Variants in SLC24A2 observed in about 807,000 individuals in gnomAD.
SLC24A2 encodes solute carrier family 24 member 2, also known as sodium/potassium/calcium exchanger 2.
A neutral mutation model predicts 62.0 loss-of-function variants in SLC24A2; 36 were observed. That is an observed-to-expected ratio of 0.58 (90% CI 0.44 to 0.77). The LOEUF (loss-of-function observed/expected upper bound fraction) is 0.77. Ranked by LOEUF, SLC24A2 falls within the 30% of genes least tolerant of loss-of-function variation. The pLI is 0.00. For synonymous variants in SLC24A2, 358 were observed against 294.0 expected (o/e 1.22, Z -2.23); for missense variants, 846 against 817.9 (o/e 1.03, Z -0.42).
At chr9:19,891,583 A>C in the SLC24A2 span, among the ~76,000 whole-genome samples, 1 of 152,080 alleles carries the variant, frequency 6.6e-6, no homozygotes, top group Non-Finnish European at 1.5e-5. Flanking sequence ...TGCTCTTTTA[A>C]ATTACCAGCT....
chr9:19,526,515 A>C (rs1447787719), intron 9 of SLC24A2, among the ~76,000 whole-genome samples: 2 of 152,158 alleles, frequency 1.3e-5, no homozygotes, highest in African/African-American at 4.8e-5. Context: ...AACACTTGTT[A>C]GGTTCTGTCT....
chr9:19,831,027 G>GAAGGA, the SLC24A2 span, among the ~76,000 whole-genome samples: 4 of 152,166 alleles, frequency 2.6e-5, no homozygotes, highest in Non-Finnish European at 4.4e-5. Context: ...TCACTTGGTG[G>GAAGGA]AAGGAAAGGA....
the SLC24A2 span, among the ~76,000 whole-genome samples, chr9:20,253,040 G>C: frequency 6.6e-6 from 1 of 152,180 alleles, no homozygotes; most frequent in Admixed American, 6.5e-5. Context: ...TGGCCTGTTA[G>C]AAACAAGGCA....
At chr9:20,300,985 T>A in the SLC24A2 span, among the ~76,000 whole-genome samples, 3 of 152,066 alleles carry the variant, frequency 2.0e-5, no homozygotes, top group African/African-American at 7.2e-5. Context: ...TGTCAATCCA[T>A]CCATTGAGTA....
At chr9:20,095,589 A>G in the SLC24A2 span, among the ~76,000 whole-genome samples, 1 of 152,262 alleles carries the variant, frequency 6.6e-6, no homozygotes, top group African/African-American at 2.4e-5. Flanking sequence ...TCAAAGTGAA[A>G]CATTGGCTCT....
the SLC24A2 span, among the ~76,000 whole-genome samples, chr9:20,305,806 T>C: frequency 5.3e-5 from 8 of 152,268 alleles, no homozygotes; most frequent in South Asian, 1.0e-3. Flanking sequence ...CAAAGTACCA[T>C]AGACTGGGCA....
At chr9:20,199,281 A>C in the SLC24A2 span, among the ~76,000 whole-genome samples, 10 of 152,246 alleles carry the variant, frequency 6.6e-5, no homozygotes, top group Admixed American at 5.9e-4. Flanking sequence ...CTAGGAACCA[A>C]TAAAAAGAAC....
intron 8 of SLC24A2, among the ~76,000 whole-genome samples, chr9:19,548,579 G>A (rs888570190): frequency 2.0e-5 from 3 of 152,232 alleles, no homozygotes; most frequent in Admixed American, 6.5e-5. Flanking sequence ...GCCAATCTGA[G>A]TTGAAAGATC....
At chr9:20,276,786 T>C in the SLC24A2 span, among the ~76,000 whole-genome samples, 4 of 152,328 alleles carry the variant, frequency 2.6e-5, no homozygotes, top group East Asian at 5.8e-4. Flanking sequence ...GACTTCTGTA[T>C]ACCTGTGGGC....
At chr9:20,281,271 CTT>C in the SLC24A2 span, among the ~76,000 whole-genome samples, 1 of 152,142 alleles carries the variant, frequency 6.6e-6, no homozygotes, top group South Asian at 2.1e-4. Context: ...CAACAGCACT[CTT>C]TATCTTATTT....
the SLC24A2 span, among the ~76,000 whole-genome samples, chr9:19,875,202 C>A: frequency 6.6e-6 from 1 of 152,140 alleles, no homozygotes; most frequent in African/African-American, 2.4e-5. Context: ...TCTCAAAGAA[C>A]TGAAATTTCC....
At chr9:19,546,331 G>C (rs1834566408) in intron 8 of SLC24A2, among the ~76,000 whole-genome samples, 1 of 152,188 alleles carries the variant, frequency 6.6e-6, no homozygotes, top group African/African-American at 2.4e-5. Flanking sequence ...GGGAGATGGG[G>C]GTTTTATCTA....
chr9:20,002,076 A>G, the SLC24A2 span, among the ~76,000 whole-genome samples: 1 of 152,178 alleles, frequency 6.6e-6, no homozygotes, highest in African/African-American at 2.4e-5. Flanking sequence ...GCTTTAGTGG[A>G]ACATACTTAG....
chr9:20,019,300 A>T, the SLC24A2 span, among the ~76,000 whole-genome samples: 1 of 148,276 alleles, frequency 6.7e-6, no homozygotes, highest in East Asian at 1.9e-4. Flanking sequence ...AGAAAGAAAG[A>T]AAGAAAGAAA....
At chr9:20,224,206 T>C in the SLC24A2 span, among the ~76,000 whole-genome samples, 3 of 151,774 alleles carry the variant, frequency 2.0e-5, no homozygotes, top group Non-Finnish European at 2.9e-5. Flanking sequence ...CAGAGATGAA[T>C]AAAGCTCTAA....
the SLC24A2 span, among the ~76,000 whole-genome samples, chr9:19,854,189 CTT>C: frequency 7.2e-5 from 11 of 152,054 alleles, no homozygotes; most frequent in African/African-American, 1.9e-4. Context: ...ATTCTTCTCT[CTT>C]TTCTTCTTTA....
chr9:19,668,765 C>T (rs1819329245), intron 2 of SLC24A2, among the ~76,000 whole-genome samples: 1 of 152,228 alleles, frequency 6.6e-6, no homozygotes, highest in African/African-American at 2.4e-5. Flanking sequence ...TCATGGCCTC[C>T]ACCATATTCT....
rs1836035847 is a variant in SLC24A2 at position 19,577,011 on chromosome 9, C to T, written c.1141G>A (p.Glu381Lys). 6.2e-7 allele frequency: 1 copy of T among 1,613,938 alleles called. No homozygotes were observed. The highest frequency in any genetic ancestry group is 1.3e-5 in the African/African-American group (1 of 74,940). The change falls in exon 6 of 11, where the codon GAA (glutamate) becomes AAA (lysine). Residue 381 changes from glutamate to lysine, a missense_variant. By Grantham distance (56) the Glu-to-Lys change is moderately conservative. Transcript: ENST00000341998. ...ATCTTGTGGAGAATTGAAGCCTTTTCTCTGAACCTCCCTGAAGCAAAAGAA... is the reference window on the plus strand; with the variant it reads ...ATCTTGTGGAGAATTGAAGCCTTTTTTCTGAACCTCCCTGAAGCAAAAGAA... ...DTMTEEGRFR[E>K]KASILHKIAK...
At chr9:19,903,256 G>C in the SLC24A2 span, among the ~76,000 whole-genome samples, 1 of 152,194 alleles carries the variant, frequency 6.6e-6, no homozygotes, top group Admixed American at 6.5e-5. Flanking sequence ...TGGGTTGTTG[G>C]TGAAGGCCCT....
Sources: gnomAD v4.1 joint callset for allele counts (sites outside exome capture counted in the v4.1 genomes callset) on GRCh38, gnomAD v4.1.1 for gene constraint, MANE v1.5 for transcripts, NCBI Gene and HGNC (gene_info 2026-07-23, HGNC 2026-07-21) for gene names.